SESTD1: variants seen among roughly 807,000 people sequenced by gnomAD.
The protein encoded by SESTD1 is SEC14 domain and spectrin repeat-containing protein 1.
Under a neutral mutation model 101.7 loss-of-function variants are expected in SESTD1, and 43 were observed. The ratio of observed to expected loss-of-function variants is 0.42; its 90% CI spans 0.33 to 0.55. The LOEUF (loss-of-function observed/expected upper bound fraction) is 0.55, where lower values mean the gene tolerates loss of function less well. Among genes scored for constraint, SESTD1 ranks in the 20% least tolerant of loss-of-function variants. The pLI, the probability that SESTD1 is intolerant of heterozygous loss-of-function variation, is 0.07. For missense variants in SESTD1, 647 were observed against 815.1 expected (o/e 0.79, Z 2.51); for synonymous variants, 283 against 286.8 (o/e 0.99, Z 0.13).
Position 179,172,244 on chromosome 2 carries a change from C to T in SESTD1, c.256-11G>A, listed in dbSNP as rs1314244967. 2.6e-6 allele frequency: 4 copies of T among 1,524,138 alleles called. No homozygotes were observed. The highest frequency in any genetic ancestry group is 1.8e-5 in the Admixed American group (1 of 56,150). The allele number at this position is 1,524,138 out of a possible 1,614,324, so 94.4% of individuals were successfully genotyped here. ...AGCTGGAACAACATTCTATAAAATACAGAAAAATAATTACAAATTACACAT... is the reference window on the plus strand; with the variant it reads ...AGCTGGAACAACATTCTATAAAATATAGAAAAATAATTACAAATTACACAT... On this transcript the variant is annotated splice_polypyrimidine_tract_variant and intron_variant, in intron 4 of 17. Transcript: ENST00000428443.
intron 13 of SESTD1, among the ~76,000 whole-genome samples, chr2:179,119,440 G>T (rs375572430): frequency 1.3e-5 from 2 of 152,188 alleles, no homozygotes; most frequent in African/African-American, 4.8e-5. Context: ...AGGTGATCTG[G>T]TTTGGATCTG....
Position 179,109,542 on chromosome 2 carries a change from G to T in SESTD1, c.*357C>A. The T allele has an allele frequency of 2.5e-6, 1 of 395,172 alleles. No individual in the cohort carries two copies. Among genetic ancestry groups the T allele is most frequent in the Non-Finnish European group, 4.5e-6 (1 of 223,942 alleles). The allele number at this position is 395,172 out of a possible 1,614,324, so 24.5% of individuals were successfully genotyped here. On this transcript the variant is annotated 3_prime_UTR_variant, in exon 18 of 18. Coordinates refer to ENST00000428443, the MANE Select transcript of SESTD1 (RefSeq NM_178123.5). ...TTACTAAATCACCTGTGGAGGAAGG[G>T]CAACTTTTTTTTTTCTTTTTAATAG...
intron 1 of SESTD1, among the ~76,000 whole-genome samples, chr2:179,236,337 A>AG (rs1383420429): frequency 1.3e-5 from 2 of 149,720 alleles, no homozygotes; most frequent in African/African-American, 4.9e-5. Flanking sequence ...AAAAAAAAAA[A>AG]AAAAAAAAAA....
chr2:179,204,522 T>C (rs1287408029), intron 1 of SESTD1, among the ~76,000 whole-genome samples: 1 of 134,950 alleles, frequency 7.4e-6, no homozygotes, highest in Non-Finnish European at 1.6e-5. Context: ...ACTTTTTTTG[T>C]CCTTAAAAAT....
At chr2:179,171,978 C>T (rs1375898205) in intron 5 of SESTD1, 142 bp downstream of exon 5, 1 of 479,086 alleles carries the variant, frequency 2.1e-6, no homozygotes, top group Non-Finnish European at 3.8e-6. Context: ...CAAATGCTGA[C>T]CATATACTAA....
intron 1 of SESTD1, among the ~76,000 whole-genome samples, chr2:179,227,943 T>C (rs1003646402): frequency 6.6e-6 from 1 of 152,204 alleles, no homozygotes; most frequent in Non-Finnish European, 1.5e-5. Context: ...CCATTTGGTA[T>C]GGGGTGATAT....
intron 1 of SESTD1, among the ~76,000 whole-genome samples, chr2:179,226,660 A>G (rs1240547641): frequency 6.6e-6 from 1 of 152,212 alleles, no homozygotes; most frequent in Non-Finnish European, 1.5e-5. Flanking sequence ...AACAGATTCC[A>G]AAGATTTTGG....
At chr2:179,110,659 G>C (rs1174572946) in intron 17 of SESTD1, among the ~76,000 whole-genome samples, 1 of 152,142 alleles carries the variant, frequency 6.6e-6, no homozygotes, top group Non-Finnish European at 1.5e-5. Flanking sequence ...AGGTCTTTGA[G>C]CAGTGAATCC....
chr2:179,212,544 C>CGG (rs2046664830), intron 1 of SESTD1, among the ~76,000 whole-genome samples: 1 of 136,172 alleles, frequency 7.3e-6, no homozygotes, highest in Non-Finnish European at 1.6e-5. Flanking sequence ...TCTATAGACT[C>CGG]CACCTCTGTG....
intron 10 of SESTD1, among the ~76,000 whole-genome samples, chr2:179,130,973 T>C (rs997209467): frequency 2.6e-5 from 4 of 152,152 alleles, no homozygotes; most frequent in African/African-American, 9.6e-5. Context: ...AACCATTATG[T>C]TGGAACCTGT....
rs929438699 is a variant in SESTD1, at chr2:179,103,184, C to T, written c.*6715G>A. On this transcript the variant is annotated 3_prime_UTR_variant, in exon 18 of 18. Coordinates refer to ENST00000428443, the MANE Select transcript of SESTD1 (RefSeq NM_178123.5). ...TTGCTAAAGTTTCAGGCATAGGAAC[C>T]CCTTGAGGAGCTGTCTGGGGCAGAC... The T allele has an allele frequency of 2.6e-5, 4 of 152,008 alleles. No homozygotes were observed. The East Asian group carries it at 5.8e-4, about 22-fold the overall frequency. 9.4% of individuals were successfully genotyped at this position (152,008 alleles called of 1,614,324 possible). A position where few individuals can be genotyped will look rare whatever the true frequency, so the allele number is the denominator to read the frequency against.
At chr2:179,237,819 T>C (rs2047091660) in intron 1 of SESTD1, among the ~76,000 whole-genome samples, 2 of 152,180 alleles carry the variant, frequency 1.3e-5, no homozygotes, top group Non-Finnish European at 2.9e-5. Flanking sequence ...TCAGTATCTT[T>C]ATCTCTTGCC....
At chr2:179,125,839 T>A (rs2044861217) in intron 10 of SESTD1, among the ~76,000 whole-genome samples, 1 of 152,194 alleles carries the variant, frequency 6.6e-6, no homozygotes, top group African/African-American at 2.4e-5. Context: ...AACTCTTTCA[T>A]CTTCCCACCA....
chr2:179,252,514 T>C (rs1010437532), intron 1 of SESTD1, among the ~76,000 whole-genome samples: 4 of 152,208 alleles, frequency 2.6e-5, no homozygotes, highest in African/African-American at 9.7e-5. Context: ...GTATCCTTCC[T>C]ATCTGCTGCC....
chr2:179,126,188 A>AT (rs2154394151), intron 10 of SESTD1, among the ~76,000 whole-genome samples: 1 of 152,142 alleles, frequency 6.6e-6, no homozygotes, highest in Non-Finnish European at 1.5e-5. Flanking sequence ...CTCTTTTCTC[A>AT]TTTTTCATTC....
chr2:179,169,741 G>A (rs2045898060), intron 5 of SESTD1, among the ~76,000 whole-genome samples: 1 of 152,042 alleles, frequency 6.6e-6, no homozygotes, highest in Admixed American at 6.6e-5. Context: ...CAGCACTTTG[G>A]GAGGCCGAGG....
intron 5 of SESTD1, among the ~76,000 whole-genome samples, chr2:179,157,878 G>A (rs2045661332): frequency 6.6e-6 from 1 of 152,126 alleles, no homozygotes; most frequent in South Asian, 2.1e-4. Flanking sequence ...TCCAGAGACA[G>A]TTGTGTAATG....
chr2:179,180,324 T>G (rs146576249), intron 3 of SESTD1, among the ~76,000 whole-genome samples: 1 of 152,114 alleles, frequency 6.6e-6, no homozygotes, highest in Non-Finnish European at 1.5e-5. Flanking sequence ...GTTAAGATAG[T>G]CATTGCATGA....
In SESTD1 at chr2:179,109,431, AT is replaced by A. The variant is rs929543469; in HGVS notation, c.*467del. On this transcript the variant is annotated 3_prime_UTR_variant, in exon 18 of 18. Transcript: ENST00000428443. ...GAAAGGCTTTCTCTGTATTGACACA[AT>A]AAAAATAATCAATTCTGAAGAATTA... 3.1e-6 allele frequency: 1 copy of A among 326,224 alleles called. No homozygotes were observed. Among genetic ancestry groups the A allele is most frequent in the African/African-American group, 2.1e-5 (1 of 47,258 alleles). 20.2% of individuals were successfully genotyped at this position (326,224 alleles called of 1,614,324 possible). A position where few individuals can be genotyped will look rare whatever the true frequency, so the allele number is the denominator to read the frequency against.
Sources: gnomAD v4.1 joint callset for allele counts (sites outside exome capture counted in the v4.1 genomes callset) on GRCh38, gnomAD v4.1.1 for gene constraint, MANE v1.5 for transcripts, NCBI Gene and HGNC (gene_info 2026-07-23, HGNC 2026-07-21) for gene names.